SRP9: variants seen among roughly 807,000 people sequenced by gnomAD.
The protein encoded by SRP9 is signal recognition particle 9 kDa protein.
In SRP9, 2 loss-of-function variants were observed where a neutral mutation model predicts 11.7. That is an observed-to-expected ratio of 0.17 (90% CI 0.07 to 0.54). SRP9 has a LOEUF of 0.54. SRP9 is among the 20% of genes least tolerant of loss of function. SRP9 has a pLI of 0.94. For missense variants in SRP9, 54 were observed against 108.1 expected, an observed-to-expected ratio of 0.50 and a Z score of 2.22; for synonymous variants, 27 against 35.6, an observed-to-expected ratio of 0.76 and a Z score of 0.86.
rs1665714606 is a variant in SRP9, at chr1:225,777,916, C to T, written c.-25C>T. The T allele has an allele frequency of 6.2e-7, 1 of 1,609,498 alleles. No homozygotes were observed. The highest frequency in any genetic ancestry group is 8.5e-7 in the Non-Finnish European group (1 of 1,176,512). ...GGCCGGGTTCTGAGGCCTTGCTTCT[C>T]TTTACTTTTCCACTCTAGGCCACGA... On this transcript the variant is annotated 5_prime_UTR_variant, in exon 1 of 3. Coordinates refer to ENST00000304786, the MANE Select transcript of SRP9 (RefSeq NM_003133.6).
At chr1:225,782,536 A>G (rs574369779) in intron 1 of SRP9, among the ~76,000 whole-genome samples, 1 of 152,316 alleles carries the variant, frequency 6.6e-6, no homozygotes, top group South Asian at 2.1e-4. Context: ...ACTGCGATAC[A>G]CTGTGCTTGA....
intron 1 of SRP9, among the ~76,000 whole-genome samples, chr1:225,780,853 T>A (rs933220828): frequency 6.6e-6 from 1 of 152,230 alleles, no homozygotes; most frequent in African/African-American, 2.4e-5. Flanking sequence ...CTGGATTATG[T>A]AATAACCTCT....
At chr1:225,784,245 T>C (rs1665854723) in intron 2 of SRP9, among the ~76,000 whole-genome samples, 1 of 113,100 alleles carries the variant, frequency 8.8e-6, no homozygotes, top group Non-Finnish European at 1.8e-5. Flanking sequence ...TTTTTTTTTT[T>C]TTTTTTTTTT....
At chr1:225,779,185 C>T (rs1004335259) in intron 1 of SRP9, among the ~76,000 whole-genome samples, 3 of 150,664 alleles carry the variant, frequency 2.0e-5, no homozygotes, top group African/African-American at 7.3e-5. Context: ...CGCACTGTCG[C>T]CCGGACTGGA....
chr1:225,786,760 A>AT, intron 2 of SRP9: 1 of 1,193,624 alleles, frequency 8.4e-7, no homozygotes, highest in South Asian at 1.5e-5. Context: ...TAGTAAAAAA[A>AT]TATATGAAAG....
At chr1:225,785,516 G>A (rs1163837653) in intron 2 of SRP9, among the ~76,000 whole-genome samples, 1 of 151,936 alleles carries the variant, frequency 6.6e-6, no homozygotes, top group Non-Finnish European at 1.5e-5. Context: ...GAGTAGCTGG[G>A]ACTACAGGCG....
intron 1 of SRP9, among the ~76,000 whole-genome samples, chr1:225,778,410 T>A (rs1027225325): frequency 6.6e-6 from 1 of 152,250 alleles, no homozygotes; most frequent in African/African-American, 2.4e-5. Context: ...AAACTGATGA[T>A]GTTTTTTCTA....
chr1:225,788,094 C>T (rs1236751011), intron 2 of SRP9, among the ~76,000 whole-genome samples: 8 of 152,106 alleles, frequency 5.3e-5, no homozygotes. Context: ...GAAGATTCTA[C>T]AACAGATGGC....
chr1:225,786,764 A>C lies in SRP9; in HGVS notation c.142-2476A>C. Reference sequence around the variant, plus strand: ...TATCATAGTGATAGTAAAAAAATATATGAAAGTATCTAACATGAGTGCTTA... The same window carrying C: ...TATCATAGTGATAGTAAAAAAATATCTGAAAGTATCTAACATGAGTGCTTA... On this transcript the variant is annotated intron_variant, in intron 2 of 2. Coordinates refer to ENST00000304786, the MANE Select transcript of SRP9 (RefSeq NM_003133.6). 5.9e-6 allele frequency: 7 copies of C among 1,188,970 alleles called. 1 individual carries two copies. The South Asian group carries it at 1.0e-4, about 18-fold the overall frequency. The allele number at this position is 1,188,970 out of a possible 1,614,324, so 73.7% of individuals were successfully genotyped here.
rs186013782 is a variant in SRP9 at position 225,778,849 on chromosome 1, G to T, written c.72+837G>T. ...CAGCATATTGAAGGGATTTTATACTGAAAACCTCAGACCTGGTTATGTATG... is the reference window on the plus strand; with the variant it reads ...CAGCATATTGAAGGGATTTTATACTTAAAACCTCAGACCTGGTTATGTATG... On this transcript the variant is annotated intron_variant, in intron 1 of 2. Coordinates refer to ENST00000304786, the MANE Select transcript of SRP9 (RefSeq NM_003133.6). Among the ~76,000 whole-genome samples the T allele has an allele frequency of 8.8e-4, 134 of 152,310 alleles. 1 individual carries two copies. The highest frequency in any genetic ancestry group is 2.1e-3 in the Admixed American group (32 of 15,306).
At chr1:225,784,875 T>C (rs1464915989) in intron 2 of SRP9, among the ~76,000 whole-genome samples, 1 of 152,074 alleles carries the variant, frequency 6.6e-6, no homozygotes, top group Non-Finnish European at 1.5e-5. Context: ...CTGCTTCTTC[T>C]GTTCCTACCT....
chr1:225,783,398 T>G (rs1222918725), intron 2 of SRP9, 30 bp downstream of exon 2: 2 of 1,527,696 alleles, frequency 1.3e-6, no homozygotes, highest in Non-Finnish European at 1.8e-6. Flanking sequence ...TGTTACATAC[T>G]TTCAGATTTG....
chr1:225,789,002 C>T, intron 2 of SRP9: 1 of 1,549,770 alleles, frequency 6.5e-7, no homozygotes, highest in South Asian at 1.2e-5. Context: ...TCAGAAGCTT[C>T]TAATAGACTT....
chr1:225,779,460 C>T (rs544543412), intron 1 of SRP9, among the ~76,000 whole-genome samples: 2 of 152,296 alleles, frequency 1.3e-5, no homozygotes, highest in East Asian at 3.9e-4. Flanking sequence ...TCAGGATTTA[C>T]TGTGTGAAAC....
intron 2 of SRP9, among the ~76,000 whole-genome samples, chr1:225,788,604 C>T (rs541109605): frequency 2.3e-4 from 35 of 151,990 alleles, no homozygotes; most frequent in Admixed American, 8.5e-4. Context: ...TTAGTAGAGA[C>T]GGGGTTTCAC....
At chr1:225,782,565 A>G (rs542072331) in intron 1 of SRP9, among the ~76,000 whole-genome samples, 30 of 152,360 alleles carry the variant, frequency 2.0e-4, no homozygotes, top group South Asian at 1.0e-3. Flanking sequence ...CTGAAAAAAA[A>G]TAATGTTCGT....
chr1:225,784,154 C>G (rs952450008), intron 2 of SRP9, among the ~76,000 whole-genome samples: 1 of 143,056 alleles, frequency 7.0e-6, no homozygotes, highest in African/African-American at 2.6e-5. Flanking sequence ...TCATATTCTT[C>G]TGACTTTCTG....
Position 225,783,365 on chromosome 1 carries a change from A to C in SRP9, c.138A>C (p.Leu46Phe). 6.2e-7 allele frequency: 1 copy of C among 1,605,916 alleles called. No homozygotes were observed. Among genetic ancestry groups the C allele is most frequent in the African/African-American group, 1.3e-5 (1 of 74,870 alleles). Reference protein sequence around the residue: ...GNLCVKVTDDLVCLVYKTDQA... With the variant: ...GNLCVKVTDDFVCLVYKTDQA... ...TGTGTGTTAAAGTAACAGATGATTT[A>C]GTTGTAAGTATACATTTTTATTTGT... Residue 46 changes from leucine (L) to phenylalanine (F), a missense_variant, in exon 2 of 3, where the codon TTA becomes TTC. Transcript: ENST00000304786.
At position 225,783,400 on chromosome 1, in the gene SRP9, T is replaced by G. The variant is rs768140237; in HGVS notation, c.141+32T>G. On this transcript the variant is annotated intron_variant, in intron 2 of 2. Coordinates refer to ENST00000304786, the MANE Select transcript of SRP9 (RefSeq NM_003133.6). ...ATACATTTTTATTTGTTACATACTTTCAGATTTGTTTGAGTTAATTATTTG... is the reference window on the plus strand; with the variant it reads ...ATACATTTTTATTTGTTACATACTTGCAGATTTGTTTGAGTTAATTATTTG... 4.6e-6 allele frequency: 7 copies of G among 1,518,026 alleles called. No homozygotes were observed. In the South Asian group the frequency reaches 5.7e-5, roughly 12 times the overall value. 94.0% of individuals were successfully genotyped at this position (1,518,026 alleles called of 1,614,324 possible).
Sources: gnomAD v4.1 joint callset for allele counts (sites outside exome capture counted in the v4.1 genomes callset) on GRCh38, gnomAD v4.1.1 for gene constraint, MANE v1.5 for transcripts, NCBI Gene and HGNC (gene_info 2026-07-23, HGNC 2026-07-21) for gene names.